The following AHI1 variants were observed in gnomAD, a reference collection of about 807,000 sequenced individuals.
AHI1 encodes the protein Abelson helper integration site 1, also known as jouberin.
A neutral mutation model predicts 149.3 loss-of-function variants in AHI1; 123 were observed. That is an observed-to-expected ratio of 0.82 (90% CI 0.71 to 0.96). The LOEUF (loss-of-function observed/expected upper bound fraction) is 0.96. AHI1 is among the 40% of genes least tolerant of loss of function. The pLI, the probability that AHI1 is intolerant of heterozygous loss-of-function variation, is 0.00. For missense variants in AHI1, 1,439 were observed against 1,422.7 expected (o/e 1.01, Z -0.18); for synonymous variants, 475 against 459.8 (o/e 1.03, Z -0.42).
chr6:135,329,134 C>T (rs1788152350), intron 24 of AHI1, among the ~76,000 whole-genome samples: 1 of 152,214 alleles, frequency 6.6e-6, no homozygotes, highest in African/African-American at 2.4e-5. Flanking sequence ...TGCTGAGGTA[C>T]AAGCTGCAGC....
intron 5 of AHI1, among the ~76,000 whole-genome samples, chr6:135,486,840 T>C (rs762312902): frequency 3.9e-5 from 6 of 152,184 alleles, no homozygotes; most frequent in Non-Finnish European, 7.3e-5. Flanking sequence ...TGATTATGGC[T>C]CACTGCAGCC....
intron 15 of AHI1, among the ~76,000 whole-genome samples, chr6:135,435,828 C>T (rs1292229970): frequency 4.6e-5 from 7 of 151,998 alleles, no homozygotes; most frequent in Admixed American, 1.3e-4. Context: ...ATAGAGAGGA[C>T]GTGACAAAAC....
At position 135,323,209 on chromosome 6, in the gene AHI1, C is replaced by T; in HGVS notation, c.3281G>A (p.Gly1094Glu). 1 of 1,613,756 alleles carries T rather than the reference C, an allele frequency of 6.2e-7. No individual in the cohort carries two copies. Among genetic ancestry groups the T allele is most frequent in the South Asian group, 1.1e-5 (1 of 91,018 alleles). Reference protein sequence around the residue: ...DNEDWWYGSIGKGQEGYFPAN... With the variant: ...DNEDWWYGSIEKGQEGYFPAN... ...TGGAAAATAACCTTCCTGTCCCTTT[C>T]CTATGCTGCCATACCACCAGTCTTC... The change falls in exon 25 of 29, where the codon GGA (glycine) becomes GAA (glutamate). Residue 1094 changes from glycine to glutamate, a missense_variant. Gly to Glu is a moderately conservative substitution (Grantham distance 98, BLOSUM62 -2). Transcript: ENST00000265602.
chr6:135,339,445 AAG>A (rs1188717797), intron 24 of AHI1, among the ~76,000 whole-genome samples: 1 of 152,210 alleles, frequency 6.6e-6, no homozygotes, highest in Non-Finnish European at 1.5e-5. Context: ...CTAAAGAATT[AAG>A]AGAAAGTATA....
At chr6:135,297,460 C>T (rs992835492) in intron 27 of AHI1, 5 of 456,154 alleles carry the variant, frequency 1.1e-5, no homozygotes, top group African/African-American at 1.0e-4. Context: ...TCTAGCTATG[C>T]ATATTCCTCC....
chr6:135,309,373 T>C (rs2128363228), intron 26 of AHI1, among the ~76,000 whole-genome samples: 1 of 152,104 alleles, frequency 6.6e-6, no homozygotes, highest in Middle Eastern at 3.4e-3. Context: ...AAATTAATAC[T>C]TTTTTCTCAA....
intron 20 of AHI1, among the ~76,000 whole-genome samples, chr6:135,423,809 T>C (rs1005218417): frequency 6.6e-6 from 1 of 152,102 alleles, no homozygotes; most frequent in African/African-American, 2.4e-5. Flanking sequence ...CTCTGGTTAA[T>C]AAACTCAGTA....
chr6:135,333,144 T>C (rs1788848867), intron 24 of AHI1, among the ~76,000 whole-genome samples: 2 of 152,214 alleles, frequency 1.3e-5, no homozygotes, highest in Admixed American at 6.5e-5. Flanking sequence ...GGTACAATTA[T>C]TACCATTTAA....
intron 23 of AHI1, among the ~76,000 whole-genome samples, chr6:135,369,073 G>A (rs1317278333): frequency 1.3e-5 from 2 of 152,198 alleles, no homozygotes; most frequent in Non-Finnish European, 2.9e-5. Context: ...CTTCCCTGAG[G>A]ACCAAGAGTG....
At chr6:135,332,473 G>C (rs913306563) in intron 24 of AHI1, among the ~76,000 whole-genome samples, 1 of 152,168 alleles carries the variant, frequency 6.6e-6, no homozygotes, top group South Asian at 2.1e-4. Context: ...TGATGCCCCA[G>C]GTATATTGAA....
At chr6:135,326,774 T>TG (rs34341491) in intron 24 of AHI1, among the ~76,000 whole-genome samples, 102,213 of 151,878 alleles carry the variant, frequency 0.67, 35,577 homozygotes, top group African/African-American at 0.87. Flanking sequence ...TTGGCCAGGC[T>TG]GTCTCAAACT....
chr6:135,402,602 T>C (rs1780175488), intron 22 of AHI1, among the ~76,000 whole-genome samples: 1 of 152,014 alleles, frequency 6.6e-6, no homozygotes, highest in South Asian at 2.1e-4. Context: ...CTGCCTCCCC[T>C]TCCCACTTCT....
chr6:135,352,974 A>C (rs868249897), intron 24 of AHI1, among the ~76,000 whole-genome samples: 5 of 152,090 alleles, frequency 3.3e-5, no homozygotes, highest in South Asian at 2.1e-4. Flanking sequence ...TAAAATTTTC[A>C]GAATTTTAAG....
rs1787375715 is a variant in AHI1 at position 135,447,177 on chromosome 6, A to G, written c.1627-17T>C. The G allele has an allele frequency of 6.7e-7, 1 of 1,493,134 alleles. No individual in the cohort carries two copies. The highest frequency in any genetic ancestry group is 8.9e-7 in the Non-Finnish European group (1 of 1,118,132). 92.5% of individuals were successfully genotyped at this position (1,493,134 alleles called of 1,614,324 possible). A position where few individuals can be genotyped will look rare whatever the true frequency, so the allele number is the denominator to read the frequency against. On this transcript the variant is annotated splice_polypyrimidine_tract_variant and intron_variant, in intron 12 of 28. Transcript: ENST00000265602. ...TGGCTTTATCTAAATATGCATTAAA[A>G]TATGAAAATTTATATACCATGTTCA... is the stretch of plus-strand genomic sequence containing the variant.
intron 24 of AHI1, among the ~76,000 whole-genome samples, chr6:135,342,932 G>A (rs934484816): frequency 6.6e-6 from 1 of 150,956 alleles, no homozygotes; most frequent in African/African-American, 2.4e-5. Flanking sequence ...GGTTCTAACT[G>A]GAAAAATTAG....
chr6:135,299,624 T>C (rs73776469), intron 27 of AHI1, among the ~76,000 whole-genome samples: 3,268 of 152,306 alleles, frequency 0.021, 126 homozygotes, highest in African/African-American at 0.074. Flanking sequence ...TTGAGAAATA[T>C]GTTGGGAATG....
chr6:135,467,008 A>T (rs941128801), intron 6 of AHI1, among the ~76,000 whole-genome samples: 2 of 152,196 alleles, frequency 1.3e-5, no homozygotes, highest in Non-Finnish European at 2.9e-5. Context: ...CAAGTAATAC[A>T]AGGAAGAGGA....
intron 26 of AHI1, chr6:135,306,910 A>G (rs1784592782): frequency 6.6e-6 from 1 of 152,072 alleles, no homozygotes; most frequent in Non-Finnish European, 1.5e-5. Context: ...ACCAGAATGC[A>G]CTCCCTTTCT....
chr6:135,364,610 C>T (rs1200944600), intron 23 of AHI1, among the ~76,000 whole-genome samples: 1 of 151,786 alleles, frequency 6.6e-6, no homozygotes, highest in Non-Finnish European at 1.5e-5. Context: ...CCATTGAGCA[C>T]TGAGTGAACG....
Sources: allele counts gnomAD v4.1 joint callset (sites outside exome capture counted in the v4.1 genomes callset), GRCh38; gene constraint gnomAD v4.1.1; transcripts MANE v1.5; gene names NCBI Gene and HGNC (gene_info 2026-07-23, HGNC 2026-07-21).